Variants in ZSWIM5 observed in about 807,000 individuals in gnomAD.
ZSWIM5 encodes the protein zinc finger SWIM domain-containing protein 5.
ZSWIM5 carries 55 observed loss-of-function variants against 119.6 expected under a neutral mutation model. The observed-to-expected ratio is 0.46, with a 90% CI of 0.37 to 0.58. The LOEUF (loss-of-function observed/expected upper bound fraction) is 0.58, where lower values mean the gene tolerates loss of function less well. Among genes scored for constraint, ZSWIM5 ranks in the 20% least tolerant of loss-of-function variants. The pLI, the probability that ZSWIM5 is intolerant of heterozygous loss-of-function variation, is 0.00. For missense variants in ZSWIM5, 1,193 were observed against 1,512.8 expected (o/e 0.79, Z 3.51); for synonymous variants, 537 against 606.9 (o/e 0.88, Z 1.69).
At chr1:45,060,742 A>G (rs1338041445) in intron 2 of ZSWIM5, among the ~76,000 whole-genome samples, 3 of 152,156 alleles carry the variant, frequency 2.0e-5, no homozygotes, top group African/African-American at 4.8e-5. Context: ...TAGCGTGATC[A>G]TGGTTCATGG....
Position 45,139,190 on chromosome 1 carries a change from G to A in ZSWIM5, c.596-50953C>T, listed in dbSNP as rs7550841. On this transcript the variant is annotated intron_variant, in intron 1 of 13. Transcript: ENST00000359600. Reference sequence around the variant, plus strand: ...AGCCACCACACCGGCCCTTTTTTCCGTTTTTTAAGAGACAACAGTCTCACT... The same window carrying A: ...AGCCACCACACCGGCCCTTTTTTCCATTTTTTAAGAGACAACAGTCTCACT... Among the ~76,000 whole-genome samples the A allele has an allele frequency of 7.3e-5, 11 of 151,310 alleles. No homozygotes were observed. In the South Asian group the frequency reaches 1.9e-3, roughly 26 times the overall value.
At chr1:45,086,822 G>A (rs1645332840) in intron 2 of ZSWIM5, among the ~76,000 whole-genome samples, 1 of 151,000 alleles carries the variant, frequency 6.6e-6, no homozygotes, top group Non-Finnish European at 1.5e-5. Flanking sequence ...CATGATGCTT[G>A]GAACACAGTG....
intron 2 of ZSWIM5, chr1:45,070,498 T>C: frequency 1.3e-6 from 1 of 799,830 alleles, no homozygotes; most frequent in South Asian, 2.2e-5. Context: ...GTTTTAAAAT[T>C]TTCTGCCATC....
At chr1:45,052,646 C>T (rs143427549) in intron 4 of ZSWIM5, among the ~76,000 whole-genome samples, 29 of 151,816 alleles carry the variant, frequency 1.9e-4, no homozygotes, top group African/African-American at 6.8e-4. Context: ...TGGTATGCAC[C>T]CAGCTGGTCC....
At chr1:45,116,453 C>T (rs1645558835) in intron 1 of ZSWIM5, among the ~76,000 whole-genome samples, 1 of 152,078 alleles carries the variant, frequency 6.6e-6, no homozygotes, top group Admixed American at 6.5e-5. Flanking sequence ...TCCTTACTAG[C>T]AAATGCTTCA....
At chr1:45,137,688 T>C (rs914926407) in intron 1 of ZSWIM5, among the ~76,000 whole-genome samples, 4 of 152,040 alleles carry the variant, frequency 2.6e-5, no homozygotes, top group African/African-American at 9.7e-5. Context: ...GTTCAAAGAA[T>C]AGCAAGGAGG....
intron 1 of ZSWIM5, among the ~76,000 whole-genome samples, chr1:45,153,988 C>T (rs756683893): frequency 5.9e-5 from 9 of 152,086 alleles, no homozygotes; most frequent in Non-Finnish European, 1.0e-4. Context: ...AGAACTCAGC[C>T]GCTTTTACAA....
At chr1:45,106,628 C>T (rs978152829) in intron 1 of ZSWIM5, among the ~76,000 whole-genome samples, 2 of 100,948 alleles carry the variant, frequency 2.0e-5, no homozygotes, top group Non-Finnish European at 4.2e-5. Context: ...GGAAGTGAGG[C>T]GCGCCTCTGC....
At chr1:45,082,159 A>T (rs1428066817) in intron 2 of ZSWIM5, among the ~76,000 whole-genome samples, 2 of 151,306 alleles carry the variant, frequency 1.3e-5, no homozygotes, top group Admixed American at 6.6e-5. Flanking sequence ...CACACTCCCT[A>T]ATCTCAAGTA....
At position 45,206,131 on chromosome 1, in the gene ZSWIM5, C is replaced by T; in HGVS notation, c.220G>A (p.Ala74Thr). ...ACCCGTTCGTATGCCCACTTTTCCG[C>T]CACCGTCTTGGCGGCGCAGTCCAGT... ...SLLDCAAKTV[A>T]EKWAYERVEE... The change falls in exon 1 of 14, where the codon GCG (alanine) becomes ACG (threonine). Residue 74 changes from alanine (A) to threonine (T), a missense_variant. Transcript: ENST00000359600. 1.2e-6 allele frequency: 2 copies of T among 1,611,262 alleles called. No individual in the cohort carries two copies. The highest frequency in any genetic ancestry group is 1.7e-6 in the Non-Finnish European group (2 of 1,179,320).
rs183330484 is a variant in ZSWIM5, at chr1:45,138,436, A to G, written c.596-50199T>C. The stretch of plus-strand genomic sequence containing the variant: ...AGGAGAATCGCCTGAACCCAGGAGA[A>G]GGAGGTTGCAGTGAGCCAAGACCAC... On this transcript the variant is annotated intron_variant, in intron 1 of 13. Coordinates refer to ENST00000359600, the MANE Select transcript of ZSWIM5 (RefSeq NM_020883.2). Among the ~76,000 whole-genome samples the G allele has an allele frequency of 1.0e-3, 152 of 148,152 alleles. 1 individual carries two copies. Among genetic ancestry groups the G allele is most frequent in the Middle Eastern group, 6.8e-3 (2 of 294 alleles).
intron 4 of ZSWIM5, among the ~76,000 whole-genome samples, chr1:45,053,698 G>C (rs1645103462): frequency 7.2e-6 from 1 of 139,712 alleles, no homozygotes; most frequent in South Asian, 2.4e-4. Flanking sequence ...AGGAGGCAAA[G>C]GTTGCAGTGA....
intron 1 of ZSWIM5, among the ~76,000 whole-genome samples, chr1:45,129,619 C>T (rs1645642935): frequency 1.3e-5 from 2 of 152,174 alleles, no homozygotes; most frequent in Non-Finnish European, 1.5e-5. Context: ...CTGCTTCCTT[C>T]AACCTTGCTA....
At chr1:45,178,735 C>T (rs1046407753) in intron 1 of ZSWIM5, among the ~76,000 whole-genome samples, 3 of 151,932 alleles carry the variant, frequency 2.0e-5, no homozygotes, top group African/African-American at 7.2e-5. Context: ...TGTGAACAAT[C>T]ATGTGGAATG....
At chr1:45,040,077 A>G (rs1352979603) in intron 7 of ZSWIM5, among the ~76,000 whole-genome samples, 1 of 152,062 alleles carries the variant, frequency 6.6e-6, no homozygotes, top group Middle Eastern at 3.2e-3. Flanking sequence ...GCCTCAAGCA[A>G]TCCTCCTACC....
chr1:45,146,520 A>T (rs1400750406), intron 1 of ZSWIM5, among the ~76,000 whole-genome samples: 1 of 140,442 alleles, frequency 7.1e-6, no homozygotes, highest in Non-Finnish European at 1.5e-5. Flanking sequence ...GCTCACTGCA[A>T]CCTCCGCTTC....
intron 1 of ZSWIM5, among the ~76,000 whole-genome samples, chr1:45,194,844 A>G (rs930523520): frequency 6.6e-6 from 1 of 151,588 alleles, no homozygotes; most frequent in Non-Finnish European, 1.5e-5. Flanking sequence ...ACCACTGCAC[A>G]CCAGCCTGGG....
intron 1 of ZSWIM5, among the ~76,000 whole-genome samples, chr1:45,163,068 C>G (rs147075926): frequency 1.3e-5 from 2 of 152,178 alleles, no homozygotes; most frequent in South Asian, 4.1e-4. Context: ...GAGGCACCTC[C>G]CAGTAAGGGC....
At chr1:45,071,419 C>T (rs536014382) in intron 2 of ZSWIM5, among the ~76,000 whole-genome samples, 1 of 150,928 alleles carries the variant, frequency 6.6e-6, no homozygotes, top group South Asian at 2.1e-4. Context: ...TAATAACCTC[C>T]AATTCCATCC....
Sources: gnomAD v4.1 joint callset for allele counts (sites outside exome capture counted in the v4.1 genomes callset) on GRCh38, gnomAD v4.1.1 for gene constraint, MANE v1.5 for transcripts, NCBI Gene and HGNC (gene_info 2026-07-23, HGNC 2026-07-21) for gene names.